Variants in TAFA4 observed in about 807,000 individuals in gnomAD.
The protein encoded by TAFA4 is TAFA chemokine like family member 4, also known as chemokine-like protein TAFA-4.
In TAFA4, 20 loss-of-function variants were observed where a neutral mutation model predicts 21.1. The ratio of observed to expected loss-of-function variants is 0.95; its 90% confidence interval spans 0.67 to 1.38. The LOEUF (loss-of-function observed/expected upper bound fraction) is 1.38. TAFA4 is among the 40% of genes most tolerant of loss of function. The pLI is 0.00. For missense variants in TAFA4, 211 were observed against 180.9 expected (o/e 1.17, Z -0.95); for synonymous variants, 71 against 67.4 (o/e 1.05, Z -0.26).
intron 3 of TAFA4, among the ~76,000 whole-genome samples, chr3:68,834,060 C>T (rs1160129883): frequency 6.6e-6 from 1 of 152,198 alleles, no homozygotes; most frequent in Non-Finnish European, 1.5e-5. Flanking sequence ...CTCCCCAAAC[C>T]TCAGGAGCCC....
chr3:68,854,452 A>G (rs1245153580), intron 3 of TAFA4, among the ~76,000 whole-genome samples: 1 of 152,104 alleles, frequency 6.6e-6, no homozygotes, highest in East Asian at 1.9e-4. Flanking sequence ...AAAATGTTCT[A>G]GATTCATATA....
intron 3 of TAFA4, among the ~76,000 whole-genome samples, chr3:68,791,795 T>G (rs1012171207): frequency 2.6e-5 from 4 of 152,206 alleles, no homozygotes; most frequent in African/African-American, 9.6e-5. Flanking sequence ...GGGAGCCCTG[T>G]CCCAGAGGAG....
intron 3 of TAFA4, among the ~76,000 whole-genome samples, chr3:68,861,261 T>C (rs1433288427): frequency 6.6e-6 from 1 of 151,938 alleles, no homozygotes; most frequent in Non-Finnish European, 1.5e-5. Flanking sequence ...CTGTGAAGTA[T>C]TCTGCAGCAA....
chr3:68,780,516 T>C (rs1703135395), intron 3 of TAFA4, among the ~76,000 whole-genome samples: 1 of 152,184 alleles, frequency 6.6e-6, no homozygotes, highest in Non-Finnish European at 1.5e-5. Context: ...ATAAGTCTCA[T>C]GAGATCTGAT....
chr3:68,795,600 C>G (rs945948847), intron 3 of TAFA4, among the ~76,000 whole-genome samples: 5 of 152,128 alleles, frequency 3.3e-5, no homozygotes, highest in African/African-American at 1.2e-4. Context: ...GGATGTAATG[C>G]TTGAGCTACT....
At chr3:68,825,344 A>G (rs1704205109) in intron 3 of TAFA4, among the ~76,000 whole-genome samples, 1 of 152,170 alleles carries the variant, frequency 6.6e-6, no homozygotes, top group Non-Finnish European at 1.5e-5. Flanking sequence ...CATAATGTAT[A>G]TGTACTACAT....
At chr3:68,741,077 T>C (rs192670783) in intron 4 of TAFA4, among the ~76,000 whole-genome samples, 2 of 152,346 alleles carry the variant, frequency 1.3e-5, no homozygotes, top group Admixed American at 6.5e-5. Flanking sequence ...GGAATCGGGC[T>C]GTGTGCCTCC....
At chr3:68,797,497 C>CGT (rs1559524125) in intron 3 of TAFA4, among the ~76,000 whole-genome samples, 2 of 151,044 alleles carry the variant, frequency 1.3e-5, no homozygotes, top group Non-Finnish European at 2.9e-5. Context: ...CCTGTAGGAC[C>CGT]AGCTACTTGG....
At chr3:68,852,132 C>T (rs1233885852) in intron 3 of TAFA4, among the ~76,000 whole-genome samples, 1 of 152,182 alleles carries the variant, frequency 6.6e-6, no homozygotes. Context: ...GAAGAGTCCA[C>T]ACTGACTCTT....
At chr3:68,805,492 A>G (rs1404446734) in intron 3 of TAFA4, among the ~76,000 whole-genome samples, 3 of 152,250 alleles carry the variant, frequency 2.0e-5, no homozygotes, top group African/African-American at 4.8e-5. Flanking sequence ...GCTGCTATAA[A>G]GACACATGCA....
At chr3:68,812,207 C>G (rs966626494) in intron 3 of TAFA4, among the ~76,000 whole-genome samples, 3 of 152,156 alleles carry the variant, frequency 2.0e-5, no homozygotes, top group Non-Finnish European at 4.4e-5. Context: ...CAGGTACCAG[C>G]TACTGCAAAA....
rs373607267 is a variant in TAFA4, at chr3:68,817,635, T to C, written c.130+63095A>G. Among the ~76,000 whole-genome samples, 11 of 152,328 alleles carry C rather than the reference T, an allele frequency of 7.2e-5. No individual in the cohort carries two copies. In the East Asian group the frequency reaches 2.1e-3, roughly 29 times the overall value. On this transcript the variant is annotated intron_variant, in intron 3 of 5. Transcript: ENST00000295569. Reference sequence around the variant, plus strand: ...TAAGTTGAAATTATTCCTTGGTCCATGGACTGCAGAATGGTTGTTGTATTA... The same window carrying C: ...TAAGTTGAAATTATTCCTTGGTCCACGGACTGCAGAATGGTTGTTGTATTA...
intron 1 of TAFA4, among the ~76,000 whole-genome samples, chr3:68,929,904 T>C (rs1398840940): frequency 6.6e-6 from 1 of 152,272 alleles, no homozygotes; most frequent in African/African-American, 2.4e-5. Context: ...ATATGACTTT[T>C]GTCAATGCAT....
intron 4 of TAFA4, among the ~76,000 whole-genome samples, chr3:68,741,910 T>C (rs1399732780): frequency 6.6e-6 from 1 of 152,172 alleles, no homozygotes; most frequent in Non-Finnish European, 1.5e-5. Flanking sequence ...CAAAGCCAGA[T>C]TAGGACACTA....
intron 3 of TAFA4, among the ~76,000 whole-genome samples, chr3:68,805,526 T>C (rs953811645): frequency 7.9e-5 from 12 of 152,176 alleles, no homozygotes; most frequent in Admixed American, 3.9e-4. Context: ...TGCGGCACTA[T>C]TCACAATAGC....
chr3:68,889,883 A>G (rs1334275436), intron 1 of TAFA4, among the ~76,000 whole-genome samples: 2 of 152,210 alleles, frequency 1.3e-5, no homozygotes, highest in African/African-American at 4.8e-5. Context: ...CCAGGAAAAA[A>G]TAGTCATCCT....
At chr3:68,751,471 G>A (rs1260466514) in intron 4 of TAFA4, among the ~76,000 whole-genome samples, 3 of 152,302 alleles carry the variant, frequency 2.0e-5, no homozygotes, top group East Asian at 3.9e-4. Context: ...TGGTTGTGAT[G>A]TGATTTGGAT....
At chr3:68,918,060 A>G (rs574272711) in intron 1 of TAFA4, among the ~76,000 whole-genome samples, 11 of 152,186 alleles carry the variant, frequency 7.2e-5, no homozygotes, top group African/African-American at 2.4e-4. Context: ...TAGGTTAGGG[A>G]TTTATTGCTT....
chr3:68,828,530 G>A (rs1704306749), intron 3 of TAFA4, among the ~76,000 whole-genome samples: 3 of 152,146 alleles, frequency 2.0e-5, no homozygotes, highest in Admixed American at 1.3e-4. Flanking sequence ...TCTTCCATTT[G>A]TTTGGGTCCT....
Sources: gnomAD v4.1 joint callset for allele counts (sites outside exome capture counted in the v4.1 genomes callset) on GRCh38, gnomAD v4.1.1 for gene constraint, MANE v1.5 for transcripts, NCBI Gene and HGNC (gene_info 2026-07-23, HGNC 2026-07-21) for gene names.